Variants in FGD6 observed in about 807,000 individuals in gnomAD.
The protein encoded by FGD6 is FYVE, RhoGEF and PH domain containing 6.
FGD6 carries 90 observed loss-of-function variants against 149.4 expected under a neutral mutation model. That is an observed-to-expected ratio of 0.60 (90% CI 0.51 to 0.72). The LOEUF is 0.72. FGD6 is among the 30% of genes least tolerant of loss of function. The pLI is 0.00. For synonymous variants in FGD6, 527 were observed against 584.0 expected, an observed-to-expected ratio of 0.90 and a Z score of 1.41; for missense variants, 1,437 against 1,684.8, an observed-to-expected ratio of 0.85 and a Z score of 2.57.
At chr12:95,130,070 A>G (rs1182555266) in intron 8 of FGD6, among the ~76,000 whole-genome samples, 1 of 152,222 alleles carries the variant, frequency 6.6e-6, no homozygotes, top group Non-Finnish European at 1.5e-5. Flanking sequence ...TGATCTTAAA[A>G]AAATACTAAC....
At chr12:95,136,292 A>G (rs1423628836) in intron 7 of FGD6, among the ~76,000 whole-genome samples, 2 of 151,930 alleles carry the variant, frequency 1.3e-5, no homozygotes, top group Non-Finnish European at 2.9e-5. Flanking sequence ...TCGGAGGCAG[A>G]GGTTGCAGTG....
intron 1 of FGD6, among the ~76,000 whole-genome samples, chr12:95,212,151 T>C (rs1479624220): frequency 6.6e-6 from 1 of 152,184 alleles, no homozygotes; most frequent in Non-Finnish European, 1.5e-5. Flanking sequence ...TGGTTGGGAA[T>C]TTTCATTATA....
chr12:95,147,889 T>C (rs1372406239), intron 5 of FGD6, among the ~76,000 whole-genome samples: 1 of 152,136 alleles, frequency 6.6e-6, no homozygotes, highest in Non-Finnish European at 1.5e-5. Context: ...AATGATTAGA[T>C]GAACATCATT....
At chr12:95,143,860 C>T (rs551356228) in intron 5 of FGD6, among the ~76,000 whole-genome samples, 18 of 152,288 alleles carry the variant, frequency 1.2e-4, no homozygotes, top group Non-Finnish European at 2.4e-4. Flanking sequence ...TTAATATAAT[C>T]TGGATGCAAG....
intron 8 of FGD6, chr12:95,126,039 A>C (rs1395249893): frequency 2.3e-6 from 3 of 1,311,742 alleles, no homozygotes; most frequent in Non-Finnish European, 3.3e-6. Context: ...ATGGGCCAGG[A>C]AGATTGAAGC....
rs377115110 is a variant in FGD6 at position 95,209,207 on chromosome 12, T to C, written c.2077A>G (p.Thr693Ala). ...TGAGATTCCAGGCTATAGTTTTCTG[T>C]GGAATATGCCTTGATGGGTTTACTT... ...KRSKPIKAYSTENYSLESQKK... is the reference protein window; with the variant it reads ...KRSKPIKAYSAENYSLESQKK... The change falls in exon 2 of 21, where the codon ACA becomes GCA. Residue 693 changes from threonine (T) to alanine (A), a missense_variant. By Grantham distance (58) the Thr-to-Ala change is moderately conservative (BLOSUM62 0). Around this residue, in one of 2 missense-constraint regions of FGD6, gnomAD observed 1,055 missense variants for 1,146.0 expected, o/e 0.92. Transcript: ENST00000343958. The C allele has an allele frequency of 3.7e-6, 6 of 1,614,132 alleles. No individual in the cohort carries two copies. The African/African-American group carries it at 5.3e-5, about 14-fold the overall frequency.
intron 14 of FGD6, among the ~76,000 whole-genome samples, chr12:95,097,848 G>T (rs1878290842): frequency 6.6e-6 from 1 of 152,086 alleles, no homozygotes; most frequent in Non-Finnish European, 1.5e-5. Flanking sequence ...CTGAATTGAG[G>T]TGAAACATGT....
intron 2 of FGD6, among the ~76,000 whole-genome samples, chr12:95,191,731 C>T (rs1881594055): frequency 6.6e-6 from 1 of 152,068 alleles, no homozygotes; most frequent in Admixed American, 6.6e-5. Flanking sequence ...ATATATCCTC[C>T]TGTATACTTT....
intron 2 of FGD6, among the ~76,000 whole-genome samples, chr12:95,202,127 T>C (rs1218743842): frequency 5.3e-5 from 8 of 152,036 alleles, no homozygotes; most frequent in Admixed American, 4.6e-4. Flanking sequence ...CGGTGAGTCA[T>C]GCCTGTAATC....
At chr12:95,136,991 T>C (rs1442639495) in intron 7 of FGD6, among the ~76,000 whole-genome samples, 1 of 152,158 alleles carries the variant, frequency 6.6e-6, no homozygotes, top group African/African-American at 2.4e-5. Flanking sequence ...CAAAATATTC[T>C]TTCCAGCTAG....
At chr12:95,150,972 G>A (rs940151633) in intron 5 of FGD6, among the ~76,000 whole-genome samples, 1 of 151,800 alleles carries the variant, frequency 6.6e-6, no homozygotes, top group Non-Finnish European at 1.5e-5. Context: ...GGATGGCTGT[G>A]GTCCCAGCTA....
chr12:95,207,422 T>G (rs1347351738), intron 2 of FGD6, among the ~76,000 whole-genome samples: 1 of 152,218 alleles, frequency 6.6e-6, no homozygotes, highest in Non-Finnish European at 1.5e-5. Flanking sequence ...CCAAGTATTT[T>G]CTAGAAAAGT....
intron 2 of FGD6, among the ~76,000 whole-genome samples, chr12:95,185,584 C>T (rs555294708): frequency 7.2e-5 from 11 of 152,144 alleles, no homozygotes; most frequent in South Asian, 2.1e-4. Flanking sequence ...GATAATAGGC[C>T]GGGCGCAGTG....
intron 2 of FGD6, among the ~76,000 whole-genome samples, chr12:95,185,658 C>T (rs559845010): frequency 5.9e-5 from 9 of 152,098 alleles, no homozygotes; most frequent in Admixed American, 1.3e-4. Flanking sequence ...GTCAGGAGTT[C>T]GAGACCAGCC....
At chr12:95,211,592 T>G (rs1335864024) in intron 1 of FGD6, among the ~76,000 whole-genome samples, 1 of 149,768 alleles carries the variant, frequency 6.7e-6, no homozygotes, top group East Asian at 2.0e-4. Flanking sequence ...CAGGCTGGAG[T>G]GCAGTGACAT....
intron 1 of FGD6, among the ~76,000 whole-genome samples, chr12:95,216,206 T>C (rs1050012575): frequency 6.6e-6 from 1 of 152,192 alleles, no homozygotes; most frequent in Non-Finnish European, 1.5e-5. Context: ...AATCAGAACA[T>C]TTGAGTGCTG....
intron 8 of FGD6, chr12:95,125,676 AC>A: frequency 2.3e-6 from 1 of 440,350 alleles, no homozygotes. Context: ...ATACCTGGAT[AC>A]AATTTATTCA....
intron 1 of FGD6, among the ~76,000 whole-genome samples, chr12:95,216,525 G>C (rs1050066338): frequency 1.7e-4 from 26 of 152,092 alleles, no homozygotes; most frequent in African/African-American, 6.0e-4. Context: ...ACAACGTCTA[G>C]AATTGCTGAA....
chr12:95,159,852 A>G (rs1445527684), intron 3 of FGD6, among the ~76,000 whole-genome samples: 1 of 151,952 alleles, frequency 6.6e-6, no homozygotes, highest in Admixed American at 6.6e-5. Flanking sequence ...AAAAAATAAA[A>G]AACAATTAGC....
Sources: allele counts gnomAD v4.1 joint callset (sites outside exome capture counted in the v4.1 genomes callset), GRCh38; gene constraint gnomAD v4.1.1; regional missense constraint gnomAD v4.1.1; transcripts MANE v1.5; gene names NCBI Gene and HGNC (gene_info 2026-07-23, HGNC 2026-07-21).